MX2: variants seen among roughly 807,000 people sequenced by gnomAD.
MX2 encodes interferon-induced GTP-binding protein Mx2.
Under a neutral mutation model 74.0 loss-of-function variants are expected in MX2, and 51 were observed. The ratio of observed to expected loss-of-function variants is 0.69; its 90% CI spans 0.55 to 0.87. MX2 has a LOEUF of 0.87. MX2 is among the 40% of genes least tolerant of loss of function. The pLI is 0.00. For missense variants in MX2, 832 were observed against 908.7 expected (o/e 0.92, Z 1.09); for synonymous variants, 369 against 339.3 (o/e 1.09, Z -0.96).
intron 12 of MX2, among the ~76,000 whole-genome samples, chr21:41,406,251 G>C (rs1327109147): frequency 1.3e-5 from 2 of 152,226 alleles, no homozygotes; most frequent in African/African-American, 4.8e-5. Context: ...GCCTCCCAAA[G>C]TGCTGGGATT....
chr21:41,406,232 C>T (rs1448959690), intron 12 of MX2, among the ~76,000 whole-genome samples: 1 of 152,246 alleles, frequency 6.6e-6, no homozygotes, highest in African/African-American at 2.4e-5. Context: ...AAGTGATCCA[C>T]CCTCCTTGGC....
At chr21:41,391,013 A>C (rs1174513362) in intron 6 of MX2, among the ~76,000 whole-genome samples, 2 of 151,920 alleles carry the variant, frequency 1.3e-5, no homozygotes, top group African/African-American at 4.8e-5. Context: ...CTCAAAAAAA[A>C]AAAAAAGAAC....
In MX2 at chr21:41,368,446, A is replaced by G. The variant is rs980393291; in HGVS notation, c.-72+6391A>G. 6.6e-6 allele frequency among the ~76,000 whole-genome samples: 1 copy of G among 152,064 alleles called. No homozygotes were observed. Among genetic ancestry groups the G allele is most frequent in the Non-Finnish European group, 1.5e-5 (1 of 67,990 alleles). On this transcript the variant is annotated intron_variant, in intron 1 of 13. Transcript: ENST00000330714. The surrounding 1 kb of genome is among the most constrained non-coding windows in gnomAD (Gnocchi z 4.6). ...GTCAGAAAATCCTCCCTAAACTGCA[A>G]TGGGGAGGGGGACTGAGGGAATTCT... is the stretch of plus-strand genomic sequence containing the variant.
At position 41,363,935 on chromosome 21, in the gene MX2, G is replaced by A; in HGVS notation, c.-72+1880G>A. 6.5e-6 allele frequency: 1 copy of A among 154,918 alleles called. No individual in the cohort carries two copies. Among genetic ancestry groups the A allele is most frequent in the Non-Finnish European group, 1.5e-5 (1 of 68,312 alleles). 9.6% of individuals were successfully genotyped at this position (154,918 alleles called of 1,614,324 possible). A position where few individuals can be genotyped will look rare whatever the true frequency, so the allele number is the denominator to read the frequency against. ...CAGTGTCAGGTGCAGGTCAGAGACAGCAGTGGAGACCCGATTCCCAGCCCT... is the reference window on the plus strand; with the variant it reads ...CAGTGTCAGGTGCAGGTCAGAGACAACAGTGGAGACCCGATTCCCAGCCCT... On this transcript the variant is annotated intron_variant, in intron 1 of 13. Coordinates refer to ENST00000330714, the MANE Select transcript of MX2 (RefSeq NM_002463.2). This position sits in a 1 kb window ranked among gnomAD's most constrained non-coding sequence, Gnocchi z 4.2.
chr21:41,406,671 T>A, intron 12 of MX2, 73 bp from the exon 13 acceptor site: 1 of 1,459,682 alleles, frequency 6.9e-7, no homozygotes, highest in Non-Finnish European at 9.3e-7. Flanking sequence ...AACATAATAG[T>A]ACTTCCAAAT....
intron 6 of MX2, among the ~76,000 whole-genome samples, chr21:41,393,309 C>CTATGGATGT (rs1023203890): frequency 6.6e-6 from 1 of 152,138 alleles, no homozygotes; most frequent in Non-Finnish European, 1.5e-5. Flanking sequence ...CTGTCCATTG[C>CTATGGATGT]TATGGATGTT....
At chr21:41,395,276 A>G (rs1456013660) in intron 6 of MX2, among the ~76,000 whole-genome samples, 1 of 152,066 alleles carries the variant, frequency 6.6e-6, no homozygotes, top group East Asian at 1.9e-4. Context: ...TCTTGGAAAC[A>G]TGGTGCATGG....
rs1447195363 is a variant in MX2 at position 41,366,241 on chromosome 21, T to C, written c.-72+4186T>C. On this transcript the variant is annotated intron_variant, in intron 1 of 13. Transcript: ENST00000330714. This position sits in a 1 kb window ranked among gnomAD's most constrained non-coding sequence, Gnocchi z 4.5. ...TGTGAGTTTGCTGAAATACCCCAGGTGCACAGTTTGGGGAACATAGTCTTA... is the reference window on the plus strand; with the variant it reads ...TGTGAGTTTGCTGAAATACCCCAGGCGCACAGTTTGGGGAACATAGTCTTA... The C allele has an allele frequency of 6.6e-6, 1 of 152,218 alleles. No individual in the cohort carries two copies. 9.4% of individuals were successfully genotyped at this position (152,218 alleles called of 1,614,324 possible). A position where few individuals can be genotyped will look rare whatever the true frequency, so the allele number is the denominator to read the frequency against.
Position 41,376,817 on chromosome 21 carries a change from C to T in MX2, c.-71-19C>T. The T allele has an allele frequency of 6.4e-7, 1 of 1,562,252 alleles. No homozygotes were observed. The highest frequency in any genetic ancestry group is 8.7e-7 in the Non-Finnish European group (1 of 1,153,284). The stretch of plus-strand genomic sequence containing the variant: ...CTTCTGGTGACCTGTGGGCCGCTCT[C>T]CCTCTTGTGTCTTTGCAGAGCTTGT... On this transcript the variant is annotated intron_variant, in intron 1 of 13. Coordinates refer to ENST00000330714, the MANE Select transcript of MX2 (RefSeq NM_002463.2).
intron 1 of MX2, among the ~76,000 whole-genome samples, chr21:41,369,254 C>G (rs1399467164): frequency 6.6e-6 from 1 of 152,186 alleles, no homozygotes; most frequent in Non-Finnish European, 1.5e-5. Context: ...GAGCTGAAGG[C>G]TGAGCGGCGG....
Position 41,399,043 on chromosome 21 carries a change from C to T in MX2, c.1272+24C>T, listed in dbSNP as rs777369148. The T allele has an allele frequency of 1.6e-5, 26 of 1,606,856 alleles. No individual in the cohort carries two copies. The East Asian group carries it at 2.0e-4, about 12-fold the overall frequency. On this transcript the variant is annotated intron_variant, in intron 9 of 13. Transcript: ENST00000330714. ...AGGTGAGGATTTCCGCAGGACTCCA[C>T]GTGACACTGCATCCTTCCCTGGTGG... is the stretch of plus-strand genomic sequence containing the variant.
At position 41,380,057 on chromosome 21, in the gene MX2, G is replaced by C. The variant is rs1469510771; in HGVS notation, c.483G>C (p.Lys161Asn). 1.9e-6 allele frequency: 3 copies of C among 1,613,928 alleles called. No individual in the cohort carries two copies. The African/African-American group carries it at 4.0e-5, about 22-fold the overall frequency. Residue 161 changes from lysine (K) to asparagine (N), a missense_variant, in exon 4 of 14, where the codon AAG (lysine) becomes AAC (asparagine). Transcript: ENST00000330714. The surrounding 1 kb of genome is among the most constrained non-coding windows in gnomAD (Gnocchi z 4.3). ...TRCPLVLKLKKQPCEAWAGRI... is the reference protein window; with the variant it reads ...TRCPLVLKLKNQPCEAWAGRI... ...GTCCGCTGGTGCTGAAACTGAAAAA[G>C]CAGCCCTGTGAGGCATGGGCCGGAA... is the stretch of plus-strand genomic sequence containing the variant.
At chr21:41,387,875 C>T (rs1263539418) in intron 5 of MX2, among the ~76,000 whole-genome samples, 15 of 152,218 alleles carry the variant, frequency 9.9e-5, no homozygotes, top group Admixed American at 9.8e-4. Flanking sequence ...CCGTCTCAGA[C>T]AGTGGCACCT....
chr21:41,376,109 C>T (rs199594936), intron 1 of MX2, among the ~76,000 whole-genome samples: 1 of 152,190 alleles, frequency 6.6e-6, no homozygotes, highest in Non-Finnish European at 1.5e-5. Flanking sequence ...TGGCCAAGCC[C>T]GGGTGTGAGG....
At chr21:41,370,473 G>C (rs2089309698) in intron 1 of MX2, 1 of 152,246 alleles carries the variant, frequency 6.6e-6, no homozygotes. Flanking sequence ...TTTCCCATGA[G>C]CTCTGTTTCA....
At chr21:41,399,054 A>T (rs778522829) in intron 9 of MX2, 35 bp downstream of exon 9, 72 of 1,602,774 alleles carry the variant, frequency 4.5e-5, no homozygotes, top group Non-Finnish European at 6.0e-5. Flanking sequence ...GTGACACTGC[A>T]TCCTTCCCTG....
At position 41,388,756 on chromosome 21, in the gene MX2, A is replaced by G. The variant is rs1329783982; in HGVS notation, c.733-1809A>G. 6.6e-6 allele frequency among the ~76,000 whole-genome samples: 1 copy of G among 152,180 alleles called. No homozygotes were observed. The highest frequency in any genetic ancestry group is 1.5e-5 in the Non-Finnish European group (1 of 68,036). ...TTTTCACTCTCTGATATCCTACATG[A>G]ATGCACATGAGTGAGTGTGCATTAA... On this transcript the variant is annotated intron_variant, in intron 5 of 13. Transcript: ENST00000330714. The surrounding 1 kb of genome is among the most constrained non-coding windows in gnomAD (Gnocchi z 4.0).
Position 41,395,955 on chromosome 21 carries a change from T to A in MX2, c.1070+170T>A, listed in dbSNP as rs577274241. ...CTTGGCTTATTTAGACAAATTATTGTTTCTTAGATTCCAATGATGGTGCTG... is the reference window on the plus strand; with the variant it reads ...CTTGGCTTATTTAGACAAATTATTGATTCTTAGATTCCAATGATGGTGCTG... On this transcript the variant is annotated intron_variant, in intron 7 of 13. Coordinates refer to ENST00000330714, the MANE Select transcript of MX2 (RefSeq NM_002463.2). 5.9e-5 allele frequency among the ~76,000 whole-genome samples: 9 copies of A among 152,324 alleles called. No homozygotes were observed. The South Asian group carries it at 1.5e-3, about 25-fold the overall frequency.
chr21:41,374,258 G>T (rs1184288903), intron 1 of MX2: 2 of 152,306 alleles, frequency 1.3e-5, no homozygotes, highest in Non-Finnish European at 2.9e-5. Context: ...CACAGCCCTT[G>T]TGCTGGACGG....
Sources: gnomAD v4.1 joint callset for allele counts (sites outside exome capture counted in the v4.1 genomes callset) on GRCh38, gnomAD v4.1.1 for gene constraint, Gnocchi (gnomAD v3.1) non-coding constraint, MANE v1.5 for transcripts, NCBI Gene and HGNC (gene_info 2026-07-23, HGNC 2026-07-21) for gene names.